Variants in TAFA2 observed in about 807,000 individuals in gnomAD.
TAFA2 encodes TAFA chemokine like family member 2.
A neutral mutation model predicts 18.8 loss-of-function variants in TAFA2; 7 were observed. That is an observed-to-expected ratio of 0.37 (90% confidence interval 0.21 to 0.70). TAFA2 has a LOEUF of 0.70. TAFA2 is among the 30% of genes least tolerant of loss of function. The probability of loss-of-function intolerance (pLI) is 0.53; values close to 1 mark genes in which losing one functional copy is unlikely to be tolerated. For synonymous variants in TAFA2, 60 were observed against 54.2 expected, an observed-to-expected ratio of 1.11 and a Z score of -0.47; for missense variants, 122 against 158.1, an observed-to-expected ratio of 0.77 and a Z score of 1.23.
At chr12:61,753,839 T>C in intron 3 of TAFA2, 93 bp from the exon 4 acceptor site, 2 of 1,169,312 alleles carry the variant, frequency 1.7e-6, no homozygotes, top group Non-Finnish European at 2.4e-6. Flanking sequence ...CACTAATTTT[T>C]CCTACCAGTG....
intron 1 of TAFA2, among the ~76,000 whole-genome samples, chr12:62,022,857 C>G (rs866932666): frequency 3.3e-5 from 5 of 152,158 alleles, no homozygotes; most frequent in Admixed American, 6.5e-5. Flanking sequence ...TGTATACCAG[C>G]AAGTAGTTCT....
intron 1 of TAFA2, among the ~76,000 whole-genome samples, chr12:62,055,763 A>G (rs936467780): frequency 5.9e-5 from 9 of 152,202 alleles, no homozygotes; most frequent in African/African-American, 1.9e-4. Context: ...AAAATGATAG[A>G]CTAGAAAAAA....
intron 1 of TAFA2, among the ~76,000 whole-genome samples, chr12:61,877,918 T>TACACACACAC (rs796244007): frequency 9.5e-4 from 75 of 78,600 alleles, no homozygotes; most frequent in East Asian, 1.9e-3. Flanking sequence ...TATATATATA[T>TACACACACAC]ATATATACAC....
chr12:62,016,728 T>C (rs1036999851), intron 1 of TAFA2, among the ~76,000 whole-genome samples: 4 of 152,278 alleles, frequency 2.6e-5, no homozygotes, highest in East Asian at 1.9e-4. Flanking sequence ...AAAACCAGAA[T>C]AGTGTCACCG....
At chr12:61,998,185 G>A (rs775348420) in intron 1 of TAFA2, among the ~76,000 whole-genome samples, 2 of 152,152 alleles carry the variant, frequency 1.3e-5, no homozygotes, top group Non-Finnish European at 2.9e-5. Context: ...CCTTAAAAAT[G>A]CAGTTGCCCA....
chr12:62,209,356 GAA>G (rs2136972126), intron 1 of TAFA2, among the ~76,000 whole-genome samples: 1 of 152,326 alleles, frequency 6.6e-6, no homozygotes, highest in South Asian at 2.1e-4. Flanking sequence ...GCTGCCTTGT[GAA>G]AAGAGTGCCT....
At chr12:62,195,127 C>G (rs1393323072), upstream of TAFA2, among the ~76,000 whole-genome samples, 1 of 152,164 alleles carries the variant, frequency 6.6e-6, no homozygotes, top group East Asian at 1.9e-4. Context: ...TTTGCTGTGT[C>G]AATTGACTCT....
chr12:61,890,321 A>G (rs534259080), intron 1 of TAFA2: 1 of 152,332 alleles, frequency 6.6e-6, no homozygotes, highest in Non-Finnish European at 1.5e-5. Context: ...TGCCACTCTC[A>G]TTACTCCAGG....
Position 62,026,734 on chromosome 12 carries a change from T to C in TAFA2, c.-1-159308A>G, listed in dbSNP as rs568631813. On this transcript the variant is annotated intron_variant, in intron 1 of 4. Coordinates refer to ENST00000416284, the MANE Select transcript of TAFA2 (RefSeq NM_178539.5). Reference sequence around the variant, plus strand: ...TAGCAAAGGTTTCCATTTCTAAAAATACTCAAAATTATGATAAATATTTTG... The same window carrying C: ...TAGCAAAGGTTTCCATTTCTAAAAACACTCAAAATTATGATAAATATTTTG... Among the ~76,000 whole-genome samples the C allele has an allele frequency of 1.6e-3, 250 of 152,290 alleles. 1 individual carries two copies. The highest frequency in any genetic ancestry group is 5.8e-3 in the African/African-American group (241 of 41,580).
At chr12:62,052,173 TGTGTGTGCATGTGTGCATGCGTGC>T (rs112569380) in intron 1 of TAFA2, among the ~76,000 whole-genome samples, 65,091 of 151,680 alleles carry the variant, frequency 0.43, 14,601 homozygotes, top group Middle Eastern at 0.58. Context: ...CCTTCTTTTG[TGTGTGTGCATGTGTGCATGCGTGC>T]GTGTGTGCAT....
intron 4 of TAFA2, among the ~76,000 whole-genome samples, chr12:61,747,756 CCTAATG>C (rs1233963997): frequency 6.7e-6 from 1 of 149,962 alleles, no homozygotes; most frequent in East Asian, 2.0e-4. Flanking sequence ...GGGAGATATA[CCTAATG>C]CTAGATGACG....
At chr12:61,966,166 C>T (rs951275309) in intron 1 of TAFA2, among the ~76,000 whole-genome samples, 1 of 151,858 alleles carries the variant, frequency 6.6e-6, no homozygotes, top group Non-Finnish European at 1.5e-5. Context: ...TCACTGTCCT[C>T]ATCATTCTGT....
intron 1 of TAFA2, among the ~76,000 whole-genome samples, chr12:62,126,899 T>C (rs1297083064): frequency 2.0e-5 from 3 of 152,052 alleles, no homozygotes; most frequent in East Asian, 3.9e-4. Context: ...AGAAATCTTT[T>C]CCCCCAAGAT....
chr12:61,984,364 C>T (rs996313246), intron 1 of TAFA2, among the ~76,000 whole-genome samples: 4 of 152,164 alleles, frequency 2.6e-5, no homozygotes, highest in African/African-American at 9.7e-5. Context: ...GCAGGAGAAC[C>T]CCGGTCTTGT....
chr12:61,744,825 T>C (rs2120716461), intron 4 of TAFA2, among the ~76,000 whole-genome samples: 1 of 152,210 alleles, frequency 6.6e-6, no homozygotes, highest in African/African-American at 2.4e-5. Context: ...CCCAGAGTGC[T>C]GGAAACCTCT....
At chr12:61,712,115 G>T (rs886823099) in intron 4 of TAFA2, among the ~76,000 whole-genome samples, 1 of 152,052 alleles carries the variant, frequency 6.6e-6, no homozygotes, top group African/African-American at 2.4e-5. Flanking sequence ...AATTGAGAGA[G>T]AATAAATGGT....
chr12:61,785,360 T>TG (rs200476745), intron 2 of TAFA2, among the ~76,000 whole-genome samples: 487 of 145,196 alleles, frequency 3.4e-3, no homozygotes, highest in Middle Eastern at 7.1e-3. Context: ...TGTGTGTGTG[T>TG]TTGTGTGTGT....
intron 1 of TAFA2, among the ~76,000 whole-genome samples, chr12:62,136,873 T>C (rs1057067503): frequency 1.3e-5 from 2 of 152,274 alleles, no homozygotes. Context: ...AAAAATGTCA[T>C]AATCTACCAT....
intron 1 of TAFA2, among the ~76,000 whole-genome samples, chr12:62,017,060 T>C (rs1241993253): frequency 6.6e-6 from 1 of 152,158 alleles, no homozygotes; most frequent in East Asian, 1.9e-4. Flanking sequence ...GGAAGTTTGG[T>C]CCATAATCCA....
Sources: gnomAD v4.1 joint callset for allele counts (sites outside exome capture counted in the v4.1 genomes callset) on GRCh38, gnomAD v4.1.1 for gene constraint, MANE v1.5 for transcripts, NCBI Gene and HGNC (gene_info 2026-07-23, HGNC 2026-07-21) for gene names.